The following SLC45A1 variants were observed in gnomAD, a reference collection of about 807,000 sequenced individuals.
The protein encoded by SLC45A1 is proton-associated sugar transporter A.
A neutral mutation model predicts 57.6 loss-of-function variants in SLC45A1; 28 were observed. That is an observed-to-expected ratio of 0.49 (90% CI 0.36 to 0.67). SLC45A1 has a LOEUF of 0.67. SLC45A1 is among the 30% of genes least tolerant of loss of function. SLC45A1 has a pLI of 0.00. For synonymous variants in SLC45A1, 459 were observed against 471.5 expected, an observed-to-expected ratio of 0.97 and a Z score of 0.34; for missense variants, 814 against 1,041.5, an observed-to-expected ratio of 0.78 and a Z score of 3.01.
At chr1:8,331,192 G>A (rs1177345109) in intron 5 of SLC45A1, among the ~76,000 whole-genome samples, 2 of 152,010 alleles carry the variant, frequency 1.3e-5, no homozygotes, top group Admixed American at 6.6e-5. Context: ...CCTGGGCAAC[G>A]TGGCGAAACC....
At position 8,343,918 on chromosome 1, in the gene SLC45A1, C is replaced by T; in HGVS notation, c.2152C>T (p.Leu718=). 6.2e-7 allele frequency: 1 copy of T among 1,614,180 alleles called. No individual in the cohort carries two copies. The highest frequency in any genetic ancestry group is 8.5e-7 in the Non-Finnish European group (1 of 1,180,034). ...VMYFSSLVSF[L]GCLYSSLFVI... The stretch of plus-strand genomic sequence containing the variant: ...GTACTTCTCCAGCCTCGTGTCCTTC[C>T]TGGGCTGCCTGTACTCCTCCCTGTT... Residue 718 remains leucine, a synonymous_variant, in exon 9 of 9, where the codon CTG becomes TTG. Coordinates refer to ENST00000471889, the MANE Select transcript of SLC45A1 (RefSeq NM_001080397.3). The surrounding 1 kb of genome is among the most constrained non-coding windows in gnomAD (Gnocchi z 7.7).
chr1:8,336,916 A>G (rs1320787847), intron 6 of SLC45A1, among the ~76,000 whole-genome samples: 9 of 152,190 alleles, frequency 5.9e-5, no homozygotes, highest in Non-Finnish European at 1.2e-4. Flanking sequence ...ATTTCTCCCA[A>G]TTAAATGGAT....
chr1:8,335,663 T>G lies in SLC45A1; in HGVS notation c.1597+73T>G. The G allele has an allele frequency of 2.7e-6, 4 of 1,467,752 alleles. No individual in the cohort carries two copies. The highest frequency in any genetic ancestry group is 3.6e-6 in the Non-Finnish European group (4 of 1,100,988). 90.9% of individuals were successfully genotyped at this position (1,467,752 alleles called of 1,614,324 possible). ...CTCTCGCCCCACTGGCCTCCCAGGA[T>G]GCCCCTGAGCCTCCCTTCCCAGAAC... On this transcript the variant is annotated intron_variant, in intron 6 of 8. Coordinates refer to ENST00000471889, the MANE Select transcript of SLC45A1 (RefSeq NM_001080397.3). The surrounding 1 kb of genome is among the most constrained non-coding windows in gnomAD (Gnocchi z 4.1).
chr1:8,341,601 A>G (rs111368880), intron 8 of SLC45A1, among the ~76,000 whole-genome samples: 478 of 149,584 alleles, frequency 3.2e-3, no homozygotes, highest in African/African-American at 0.011. Flanking sequence ...GAGCCACCTC[A>G]TATTGGAGTC....
rs573295265 is a variant in SLC45A1 at position 8,326,953 on chromosome 1, C to T, written c.715+911C>T. Among the ~76,000 whole-genome samples the T allele has an allele frequency of 6.6e-6, 1 of 152,330 alleles. No individual in the cohort carries two copies. The highest frequency in any genetic ancestry group is 2.4e-5 in the African/African-American group (1 of 41,564). ...TGAGATCGCACTATTGCACTCCAGC[C>T]TGGGCAACAAGAGCGAACCTCCATC... On this transcript the variant is annotated intron_variant, in intron 4 of 8. Transcript: ENST00000471889. The surrounding 1 kb of genome is among the most constrained non-coding windows in gnomAD (Gnocchi z 5.5).
intron 7 of SLC45A1, among the ~76,000 whole-genome samples, chr1:8,338,621 C>T (rs1007406709): frequency 2.6e-5 from 4 of 152,214 alleles, no homozygotes; most frequent in Non-Finnish European, 2.9e-5. Context: ...GCCGGCCCAG[C>T]GGTCTCTGTT....
intron 1 of SLC45A1, 30 bp downstream of exon 1, chr1:8,318,216 C>A (rs1286918837): frequency 7.1e-6 from 3 of 421,284 alleles, no homozygotes; most frequent in Non-Finnish European, 1.3e-5. Flanking sequence ...GCCCTCCGCC[C>A]GCTCTCTGGC....
Position 8,339,691 on chromosome 1 carries a change from G to A in SLC45A1, c.1973G>A (p.Ser658Asn). 2 of 1,613,884 alleles carry A rather than the reference G, an allele frequency of 1.2e-6. No homozygotes were observed. The highest frequency in any genetic ancestry group is 1.7e-6 in the Non-Finnish European group (2 of 1,179,738). The change falls in exon 8 of 9, where the codon AGT becomes AAT. Residue 658 changes from serine (S) to asparagine (N), a missense_variant. Coordinates refer to ENST00000471889, the MANE Select transcript of SLC45A1 (RefSeq NM_001080397.3). ...PYSLLCDYYQ[S>N]KKFAGSSADG... Reference sequence around the variant, plus strand: ...TCGCTGCTCTGCGATTACTATCAGAGTAAGAAGGTAAGTGCTCTCCCTTGT... The same window carrying A: ...TCGCTGCTCTGCGATTACTATCAGAATAAGAAGGTAAGTGCTCTCCCTTGT...
chr1:8,324,848 C>A, intron 2 of SLC45A1, 122 bp downstream of exon 2: 1 of 980,686 alleles, frequency 1.0e-6, no homozygotes, highest in South Asian at 1.7e-5. Flanking sequence ...CTTCATCAGT[C>A]TGGGACTGTG....
At chr1:8,334,494 A>T (rs911049692) in intron 5 of SLC45A1, among the ~76,000 whole-genome samples, 1 of 152,184 alleles carries the variant, frequency 6.6e-6, no homozygotes, top group Non-Finnish European at 1.5e-5. Flanking sequence ...TGAGGCCAGG[A>T]GTTTGAGATC....
chr1:8,341,467 G>A (rs1167752246), intron 8 of SLC45A1, among the ~76,000 whole-genome samples: 18 of 150,586 alleles, frequency 1.2e-4, no homozygotes, highest in Admixed American at 3.3e-4. Flanking sequence ...TCTGGGAGGC[G>A]GAGCTTGCAG....
rs949676519 is a variant in SLC45A1 at position 8,325,649 on chromosome 1, C to G, written c.491-169C>G. On this transcript the variant is annotated intron_variant, in intron 3 of 8. Transcript: ENST00000471889. This position sits in a 1 kb window ranked among gnomAD's most constrained non-coding sequence, Gnocchi z 6.3. ...GCTTAATGAAATAAAAACCCCCATC[C>G]AAGTGCAAAATATATGGTGAGTTTG... Among the ~76,000 whole-genome samples, 3 of 152,136 alleles carry G rather than the reference C, an allele frequency of 2.0e-5. No homozygotes were observed. Among genetic ancestry groups the G allele is most frequent in the African/African-American group, 7.2e-5 (3 of 41,426 alleles).
chr1:8,342,004 G>A (rs374575643), intron 8 of SLC45A1, among the ~76,000 whole-genome samples: 1 of 152,090 alleles, frequency 6.6e-6, no homozygotes, highest in Non-Finnish European at 1.5e-5. Flanking sequence ...TCAGGAGATC[G>A]AGACCATCCT....
intron 7 of SLC45A1, among the ~76,000 whole-genome samples, chr1:8,338,415 C>A (rs1456258965): frequency 6.6e-6 from 1 of 152,184 alleles, no homozygotes; most frequent in Non-Finnish European, 1.5e-5. Flanking sequence ...TAGGGGTGGG[C>A]AGGGGCCAGG....
chr1:8,338,825 T>G (rs922327405), intron 7 of SLC45A1, among the ~76,000 whole-genome samples: 1 of 152,240 alleles, frequency 6.6e-6, no homozygotes, highest in East Asian at 1.9e-4. Context: ...GGACTTCGCC[T>G]TCGATCCATA....
intron 5 of SLC45A1, among the ~76,000 whole-genome samples, chr1:8,331,465 T>C (rs1259573393): frequency 9.3e-5 from 14 of 151,258 alleles, no homozygotes; most frequent in African/African-American, 1.2e-4. Context: ...TTTTAAAAAA[T>C]ACTTTTTAGT....
chr1:8,321,160 G>A (rs575424802), intron 1 of SLC45A1, among the ~76,000 whole-genome samples: 17 of 152,264 alleles, frequency 1.1e-4, no homozygotes, highest in African/African-American at 3.1e-4. Context: ...AAGTGCTTGA[G>A]CTAGGCCAGT....
Position 8,326,008 on chromosome 1 carries a change from G to A in SLC45A1, c.681G>A (p.Gln227=). 6.2e-7 allele frequency: 1 copy of A among 1,607,518 alleles called. No homozygotes were observed. Among genetic ancestry groups the A allele is most frequent in the Non-Finnish European group, 8.5e-7 (1 of 1,179,994 alleles). ...YMMDVCSPAD[Q]DRGLNIHALL... is the part of the protein sequence containing the mutation. ...TGGACGTGTGCAGCCCCGCAGACCA[G>A]GACCGAGGCCTGAACATCCACGCCC... Residue 227 remains glutamine, a synonymous_variant, in exon 4 of 9, where the codon CAG becomes CAA. Transcript: ENST00000471889. This position sits in a 1 kb window ranked among gnomAD's most constrained non-coding sequence, Gnocchi z 5.5.
chr1:8,339,583 C>A lies in SLC45A1; in HGVS notation c.1865C>A (p.Thr622Asn). 1 of 1,614,260 alleles carries A rather than the reference C, an allele frequency of 6.2e-7. No individual in the cohort carries two copies. Among genetic ancestry groups the A allele is most frequent in the Non-Finnish European group, 8.5e-7 (1 of 1,180,052 alleles). ...TTCGGCCTGGGGACCGGGCTTGCCACCCTCTCCAGGAACCTCTACGTGGTC... is the reference window on the plus strand; with the variant it reads ...TTCGGCCTGGGGACCGGGCTTGCCAACCTCTCCAGGAACCTCTACGTGGTC... ...LAFGLGTGLA[T>N]LSRNLYVVLS... The change falls in exon 8 of 9, where the codon ACC becomes AAC. Residue 622 changes from threonine to asparagine, a missense_variant. Thr to Asn is a moderately conservative substitution (Grantham distance 65). Coordinates refer to ENST00000471889, the MANE Select transcript of SLC45A1 (RefSeq NM_001080397.3).
Sources: allele counts gnomAD v4.1 joint callset (sites outside exome capture counted in the v4.1 genomes callset), GRCh38; gene constraint gnomAD v4.1.1; non-coding constraint Gnocchi (gnomAD v3.1); transcripts MANE v1.5; gene names NCBI Gene and HGNC (gene_info 2026-07-23, HGNC 2026-07-21).